SEMA3E: variants seen among roughly 807,000 people sequenced by gnomAD.
SEMA3E encodes semaphorin-3E.
Under a neutral mutation model 93.6 loss-of-function variants are expected in SEMA3E, and 49 were observed. The observed-to-expected ratio is 0.52, with a 90% CI of 0.42 to 0.66. The LOEUF is 0.66. Among genes scored for constraint, SEMA3E ranks in the 30% least tolerant of loss-of-function variants. The probability of loss-of-function intolerance (pLI) is 0.00; values close to 1 mark genes in which losing one functional copy is unlikely to be tolerated. For synonymous variants in SEMA3E, 363 were observed against 330.7 expected (o/e 1.10, Z -1.06); for missense variants, 906 against 964.8 (o/e 0.94, Z 0.81).
chr7:83,622,368 A>T (rs1318114432), intron 1 of SEMA3E, among the ~76,000 whole-genome samples: 1 of 152,296 alleles, frequency 6.6e-6, no homozygotes, highest in Non-Finnish European at 1.5e-5. Context: ...ACAAATGCTT[A>T]TACACTGTTA....
intron 5 of SEMA3E, among the ~76,000 whole-genome samples, chr7:83,417,126 CT>C (rs1788565353): frequency 1.3e-5 from 2 of 151,660 alleles, no homozygotes; most frequent in Admixed American, 6.6e-5. Flanking sequence ...ATTCAAGCCC[CT>C]GAAGAACTTA....
chr7:83,535,524 T>C (rs1791394698), intron 1 of SEMA3E, among the ~76,000 whole-genome samples: 1 of 152,166 alleles, frequency 6.6e-6, no homozygotes, highest in African/African-American at 2.4e-5. Flanking sequence ...TTAATGGTAA[T>C]TTAGAGTCTA....
intron 1 of SEMA3E, among the ~76,000 whole-genome samples, chr7:83,494,279 G>A (rs1045922342): frequency 1.3e-5 from 2 of 150,442 alleles, no homozygotes; most frequent in Non-Finnish European, 3.0e-5. Context: ...GGAAGTCATT[G>A]TAACACAAGA....
chr7:83,498,580 C>T (rs532644885), intron 1 of SEMA3E, among the ~76,000 whole-genome samples: 3 of 151,954 alleles, frequency 2.0e-5, no homozygotes, highest in South Asian at 2.1e-4. Context: ...TGGGTTCAAG[C>T]GATTCTCTTG....
chr7:83,490,448 T>C (rs1046827781), intron 1 of SEMA3E, among the ~76,000 whole-genome samples, 174 bp from the exon 2 acceptor site: 8 of 152,060 alleles, frequency 5.3e-5, no homozygotes, highest in Admixed American at 5.3e-4. Context: ...ATTTCATAAA[T>C]TTATGAATCT....
Position 83,490,223 on chromosome 7 carries a change from A to G in SEMA3E, c.167T>C (p.Leu56Pro), listed in dbSNP as rs375067711. ...ATCCAGCAGCATTGTATGGAGATCA[A>G]GAAATCCAAAAGGGCTATGAAATAT... is the stretch of plus-strand genomic sequence containing the variant. The part of the protein sequence containing the change: ...TSIFHSPFGF[L>P]DLHTMLLDEY... The change falls in exon 2 of 17, where the codon CTT becomes CCT. Residue 56 changes from leucine (L) to proline (P), a missense_variant. Physicochemically the swap from Leu to Pro is moderately conservative, Grantham distance 98 (BLOSUM62 -3). Coordinates refer to ENST00000643230, the MANE Select transcript of SEMA3E (RefSeq NM_012431.3). 319 of 1,612,928 alleles carry G rather than the reference A, an allele frequency of 2.0e-4. No individual in the cohort carries two copies. The highest frequency in any genetic ancestry group is 2.6e-4 in the Non-Finnish European group (304 of 1,179,434).
intron 4 of SEMA3E, among the ~76,000 whole-genome samples, chr7:83,437,122 AT>A (rs893849291): frequency 6.6e-6 from 1 of 152,170 alleles, no homozygotes; most frequent in African/African-American, 2.4e-5. Context: ...GGAATTCAAG[AT>A]GAGATTTGGG....
intron 1 of SEMA3E, among the ~76,000 whole-genome samples, chr7:83,600,055 T>A (rs1272005309): frequency 6.6e-6 from 1 of 152,136 alleles, no homozygotes; most frequent in East Asian, 1.9e-4. Context: ...TTTGAAAAAA[T>A]TTATGATATG....
chr7:83,612,939 C>A (rs1169311482), intron 1 of SEMA3E, among the ~76,000 whole-genome samples: 3 of 151,616 alleles, frequency 2.0e-5, no homozygotes, highest in South Asian at 2.1e-4. Flanking sequence ...AACTCATATC[C>A]ATGATTCAGC....
intron 16 of SEMA3E, chr7:83,371,972 T>C (rs985598039): frequency 4.2e-5 from 12 of 287,616 alleles, no homozygotes; most frequent in South Asian, 1.7e-4. Context: ...AAATTATTTT[T>C]CCACACAAGT....
intron 1 of SEMA3E, among the ~76,000 whole-genome samples, chr7:83,541,294 C>T (rs1791525642): frequency 6.6e-6 from 1 of 152,298 alleles, no homozygotes; most frequent in South Asian, 2.1e-4. Context: ...AAGCAGGGAT[C>T]ATGTCTATCA....
intron 1 of SEMA3E, among the ~76,000 whole-genome samples, chr7:83,566,529 C>T (rs1387865545): frequency 2.6e-5 from 4 of 151,830 alleles, no homozygotes; most frequent in Non-Finnish European, 1.5e-5. Flanking sequence ...GCTTTTTTTC[C>T]CTCCAAGAGT....
At chr7:83,453,062 C>T (rs1225134840) in intron 4 of SEMA3E, among the ~76,000 whole-genome samples, 1 of 152,118 alleles carries the variant, frequency 6.6e-6, no homozygotes, top group Non-Finnish European at 1.5e-5. Flanking sequence ...GAGTCTTACT[C>T]TGCAACCCAG....
chr7:83,467,599 G>C (rs1451575939), intron 3 of SEMA3E, among the ~76,000 whole-genome samples: 1 of 152,174 alleles, frequency 6.6e-6, no homozygotes. Flanking sequence ...GGTCTCTGTT[G>C]CAACTATTCA....
chr7:83,635,887 A>AC (rs938132497), intron 1 of SEMA3E, among the ~76,000 whole-genome samples: 3 of 151,790 alleles, frequency 2.0e-5, no homozygotes, highest in Non-Finnish European at 4.4e-5. Context: ...CTGACAAAAA[A>AC]AAAAAAAATC....
In SEMA3E at chr7:83,400,130, G is replaced by C; in HGVS notation, c.1264C>G (p.Pro422Ala). Residue 422 changes from proline (P) to alanine (A), a missense_variant, in exon 11 of 17, where the codon CCA becomes GCA. Transcript: ENST00000643230. ...TTTCCATCTGTTTTTACCAATATTG[G>C]TTTTTTATGGGCAGGTTTTATGGCC... is the stretch of plus-strand genomic sequence containing the variant. ...YQAIKPAHKK[P>A]ILVKTDGKYN... 1 of 1,613,858 alleles carries C rather than the reference G, an allele frequency of 6.2e-7. No homozygotes were observed.
intron 1 of SEMA3E, among the ~76,000 whole-genome samples, chr7:83,629,732 G>C (rs1160312150): frequency 1.3e-5 from 2 of 152,144 alleles, no homozygotes; most frequent in Non-Finnish European, 2.9e-5. Context: ...GGCTCTGTGG[G>C]GGTGGGATCC....
intron 4 of SEMA3E, among the ~76,000 whole-genome samples, chr7:83,441,548 T>C (rs976134205): frequency 6.6e-6 from 1 of 152,200 alleles, no homozygotes; most frequent in Non-Finnish European, 1.5e-5. Context: ...GCCGTTGATA[T>C]GACAATGATA....
chr7:83,385,656 G>C (rs1033976092), intron 15 of SEMA3E, among the ~76,000 whole-genome samples: 157 of 152,222 alleles, frequency 1.0e-3, no homozygotes, highest in African/African-American at 3.5e-3. Flanking sequence ...AGGTAACTGA[G>C]AGTCTGGTTC....
Sources: gnomAD v4.1 joint callset for allele counts (sites outside exome capture counted in the v4.1 genomes callset) on GRCh38, gnomAD v4.1.1 for gene constraint, MANE v1.5 for transcripts, NCBI Gene and HGNC (gene_info 2026-07-23, HGNC 2026-07-21) for gene names.